FRMPD1: variants seen among roughly 807,000 people sequenced by gnomAD.
FRMPD1 encodes FERM and PDZ domain-containing protein 1.
FRMPD1 carries 76 observed loss-of-function variants against 117.8 expected under a neutral mutation model. That is an observed-to-expected ratio of 0.65 (90% confidence interval 0.54 to 0.78). The LOEUF (loss-of-function observed/expected upper bound fraction) is 0.78. Among genes scored for constraint, FRMPD1 ranks in the 30% least tolerant of loss-of-function variants. The probability of loss-of-function intolerance (pLI) is 0.00; values close to 1 mark genes in which losing one functional copy is unlikely to be tolerated. For missense variants in FRMPD1, 1,786 were observed against 1,964.5 expected (o/e 0.91, Z 1.72); for synonymous variants, 783 against 770.4 (o/e 1.02, Z -0.27).
chr9:37,627,646 A>AT, the FRMPD1 span, among the ~76,000 whole-genome samples: 609 of 151,840 alleles, frequency 4.0e-3, 10 homozygotes, highest in Admixed American at 0.036. Context: ...GCTAATTTTT[A>AT]TTTTTTTTAT....
intron 2 of FRMPD1, among the ~76,000 whole-genome samples, chr9:37,702,054 G>C (rs1316739788): frequency 1.3e-5 from 2 of 152,220 alleles, no homozygotes; most frequent in Non-Finnish European, 2.9e-5. Flanking sequence ...CTGAGACACG[G>C]AGAAGATAAG....
the FRMPD1 span, among the ~76,000 whole-genome samples, chr9:37,626,622 G>GAAAAAA: frequency 6.2e-4 from 30 of 48,578 alleles, 5 homozygotes; most frequent in African/African-American, 1.0e-3. Context: ...CCTGGTATCT[G>GAAAAAA]AAAAAAAAAA....
chr9:37,644,711 C>T, the FRMPD1 span, among the ~76,000 whole-genome samples: 4 of 152,202 alleles, frequency 2.6e-5, no homozygotes, highest in Admixed American at 6.5e-5. Context: ...TCTGTGACCT[C>T]ATACCAGTCG....
the FRMPD1 span, among the ~76,000 whole-genome samples, chr9:37,642,535 G>T: frequency 6.6e-6 from 1 of 152,138 alleles, no homozygotes; most frequent in African/African-American, 2.4e-5. Flanking sequence ...ATAATTCATA[G>T]GGTTATTAAA....
intron 1 of FRMPD1, among the ~76,000 whole-genome samples, chr9:37,675,417 TAA>T (rs55853255): frequency 0.24 from 33,204 of 137,444 alleles, 3,849 homozygotes; most frequent in Middle Eastern, 0.29. Context: ...TGAGACTGTC[TAA>T]AAAAAAAAAA....
At chr9:37,687,274 G>T (rs1391545647) in intron 1 of FRMPD1, among the ~76,000 whole-genome samples, 1 of 152,174 alleles carries the variant, frequency 6.6e-6, no homozygotes, top group Non-Finnish European at 1.5e-5. Flanking sequence ...CCAGAATCAT[G>T]TGGAATATGT....
chr9:37,612,390 C>T, the FRMPD1 span, among the ~76,000 whole-genome samples: 6 of 152,216 alleles, frequency 3.9e-5, no homozygotes, highest in African/African-American at 1.2e-4. Context: ...GATCTATTGC[C>T]CAGGCTGGAG....
At chr9:37,640,221 T>G in the FRMPD1 span, among the ~76,000 whole-genome samples, 2 of 152,220 alleles carry the variant, frequency 1.3e-5, no homozygotes, top group African/African-American at 2.4e-5. Context: ...TGGTGCGTGT[T>G]AAGGGATTAT....
At chr9:37,641,304 A>G in the FRMPD1 span, among the ~76,000 whole-genome samples, 2 of 152,248 alleles carry the variant, frequency 1.3e-5, no homozygotes, top group African/African-American at 4.8e-5. Flanking sequence ...GACAAGGCAG[A>G]CTTAAAAGTG....
intron 1 of FRMPD1, among the ~76,000 whole-genome samples, chr9:37,679,862 T>C (rs1482860133): frequency 6.6e-6 from 1 of 152,214 alleles, no homozygotes; most frequent in Non-Finnish European, 1.5e-5. Flanking sequence ...GACTCAGCAG[T>C]GTCATTTGCC....
intron 1 of FRMPD1, among the ~76,000 whole-genome samples, chr9:37,670,800 T>C (rs1359929533): frequency 6.6e-6 from 1 of 152,252 alleles, no homozygotes; most frequent in East Asian, 1.9e-4. Context: ...TGTTTTTATT[T>C]TGTAACTGCT....
upstream of FRMPD1, among the ~76,000 whole-genome samples, chr9:37,648,926 C>T (rs923503631): frequency 1.3e-5 from 2 of 151,848 alleles, no homozygotes; most frequent in African/African-American, 2.4e-5. Context: ...GATAGAATTG[C>T]CTGGTGAGAG....
chr9:37,705,643 C>A (rs1822675928), intron 2 of FRMPD1, among the ~76,000 whole-genome samples: 1 of 151,660 alleles, frequency 6.6e-6, no homozygotes, highest in Non-Finnish European at 1.5e-5. Flanking sequence ...TTATTTATTG[C>A]ATTTAGAAAA....
intron 1 of FRMPD1, among the ~76,000 whole-genome samples, chr9:37,663,532 A>G (rs1428484077): frequency 1.3e-5 from 2 of 152,150 alleles, no homozygotes; most frequent in African/African-American, 4.8e-5. Flanking sequence ...ATTTTTGTTC[A>G]TGCTATTTCC....
the FRMPD1 span, among the ~76,000 whole-genome samples, chr9:37,603,820 A>G: frequency 6.6e-6 from 1 of 152,066 alleles, no homozygotes. Flanking sequence ...CTGGGCTTAC[A>G]GGTGTGTGCC....
chr9:37,661,885 C>G (rs954622948), intron 1 of FRMPD1: 4 of 152,550 alleles, frequency 2.6e-5, no homozygotes, highest in African/African-American at 9.7e-5. Context: ...CAGTCCTCCT[C>G]TGTCGGGGAT....
At chr9:37,614,359 A>C in the FRMPD1 span, among the ~76,000 whole-genome samples, 2 of 152,248 alleles carry the variant, frequency 1.3e-5, no homozygotes, top group Non-Finnish European at 2.9e-5. Flanking sequence ...GCAGGCTGGG[A>C]TCCCAATGAG....
intron 1 of FRMPD1, among the ~76,000 whole-genome samples, chr9:37,663,826 T>C (rs1821072018): frequency 6.6e-6 from 1 of 152,234 alleles, no homozygotes; most frequent in Non-Finnish European, 1.5e-5. Context: ...TATCTCCAGG[T>C]TACTTATAAT....
At chr9:37,632,946 A>T in the FRMPD1 span, among the ~76,000 whole-genome samples, 2 of 146,824 alleles carry the variant, frequency 1.4e-5, no homozygotes, top group Admixed American at 1.4e-4. Context: ...TATATATATA[A>T]AAATATATAC....
Sources: allele counts gnomAD v4.1 joint callset (sites outside exome capture counted in the v4.1 genomes callset), GRCh38; gene constraint gnomAD v4.1.1; transcripts MANE v1.5; gene names NCBI Gene and HGNC (gene_info 2026-07-23, HGNC 2026-07-21).